Variants in GABRB1 observed in about 807,000 individuals in gnomAD.
GABRB1 encodes the protein gamma-aminobutyric acid type A receptor subunit beta1.
GABRB1 carries 17 observed loss-of-function variants against 51.6 expected under a neutral mutation model. The observed-to-expected ratio is 0.33, with a 90% CI of 0.23 to 0.49. The LOEUF (loss-of-function observed/expected upper bound fraction) is 0.49, where lower values mean the gene tolerates loss of function less well. Among genes scored for constraint, GABRB1 ranks in the 20% least tolerant of loss-of-function variants. The pLI is 0.99. For missense variants in GABRB1, 410 were observed against 600.6 expected, an observed-to-expected ratio of 0.68 and a Z score of 3.32; for synonymous variants, 247 against 218.9, an observed-to-expected ratio of 1.13 and a Z score of -1.14.
intron 5 of GABRB1, among the ~76,000 whole-genome samples, chr4:47,382,417 C>T (rs1039384272): frequency 3.9e-5 from 6 of 152,164 alleles, no homozygotes; most frequent in African/African-American, 1.2e-4. Context: ...CCCACCCTGA[C>T]ACAACATGTG....
At chr4:47,257,011 C>G in intron 4 of GABRB1, among the ~76,000 whole-genome samples, 1 of 152,136 alleles carries the variant, frequency 6.6e-6, no homozygotes, top group South Asian at 2.1e-4. Context: ...CACTTCATAT[C>G]CACTCTCCAT....
At chr4:47,301,633 C>CAA (rs11435118) in intron 4 of GABRB1, among the ~76,000 whole-genome samples, 69,237 of 144,482 alleles carry the variant, frequency 0.48, 17,133 homozygotes, top group East Asian at 0.85. Flanking sequence ...GACTCTGTCT[C>CAA]AAAAAAAAAA....
At chr4:47,201,546 G>T (rs1439834465) in intron 4 of GABRB1, among the ~76,000 whole-genome samples, 2 of 152,118 alleles carry the variant, frequency 1.3e-5, no homozygotes, top group East Asian at 3.9e-4. Context: ...CATGCTTGTG[G>T]TTACCTTTTA....
chr4:47,037,881 G>A (rs1455554246), intron 3 of GABRB1, among the ~76,000 whole-genome samples: 1 of 152,156 alleles, frequency 6.6e-6, no homozygotes, highest in East Asian at 1.9e-4. Flanking sequence ...AAGTTACACA[G>A]CTAGTGAATG....
At chr4:47,280,841 A>G (rs1362958371) in intron 4 of GABRB1, among the ~76,000 whole-genome samples, 1 of 141,030 alleles carries the variant, frequency 7.1e-6, no homozygotes, top group Non-Finnish European at 1.5e-5. Context: ...TTTTTTTTAG[A>G]AATGAGTCTT....
chr4:47,001,779 G>A (rs937737583), intron 1 of GABRB1, among the ~76,000 whole-genome samples: 2 of 152,144 alleles, frequency 1.3e-5, no homozygotes, highest in Non-Finnish European at 2.9e-5. Context: ...AATTTCTCTA[G>A]AAAATCCTAA....
At chr4:47,141,772 G>C (rs1716948625) in intron 3 of GABRB1, among the ~76,000 whole-genome samples, 1 of 151,860 alleles carries the variant, frequency 6.6e-6, no homozygotes, top group African/African-American at 2.4e-5. Flanking sequence ...TAACTTAAAG[G>C]TAAATCCAAG....
At chr4:47,222,058 C>A (rs1194582447) in intron 4 of GABRB1, among the ~76,000 whole-genome samples, 1 of 152,030 alleles carries the variant, frequency 6.6e-6, no homozygotes, top group African/African-American at 2.4e-5. Context: ...ATGTGAAAAA[C>A]ATAGCACTAA....
intron 4 of GABRB1, among the ~76,000 whole-genome samples, chr4:47,230,448 T>A (rs1161923179): frequency 1.3e-5 from 2 of 152,056 alleles, no homozygotes; most frequent in Non-Finnish European, 2.9e-5. Context: ...AGAGAGAGAT[T>A]TGGGGAGCTA....
intron 4 of GABRB1, among the ~76,000 whole-genome samples, chr4:47,180,257 G>A (rs1311381238): frequency 6.6e-6 from 1 of 151,876 alleles, no homozygotes. Flanking sequence ...CTATTCCAAA[G>A]TAAATTTCTA....
At chr4:47,264,370 T>C (rs1318235849) in intron 4 of GABRB1, among the ~76,000 whole-genome samples, 3 of 152,206 alleles carry the variant, frequency 2.0e-5, no homozygotes, top group Non-Finnish European at 4.4e-5. Context: ...CCCTATGTTA[T>C]GGGGCAATGG....
chr4:47,271,640 G>A (rs1048888020), intron 4 of GABRB1, among the ~76,000 whole-genome samples: 18 of 152,116 alleles, frequency 1.2e-4, no homozygotes, highest in Non-Finnish European at 2.1e-4. Context: ...AGCTTCAGAG[G>A]CTCCTTTCCA....
chr4:47,258,288 G>T (rs1179416977), intron 4 of GABRB1, among the ~76,000 whole-genome samples: 1 of 152,048 alleles, frequency 6.6e-6, no homozygotes, highest in Non-Finnish European at 1.5e-5. Flanking sequence ...TCAGAAAAGG[G>T]TACTATCATA....
chr4:47,352,534 C>G (rs541616260), intron 5 of GABRB1, among the ~76,000 whole-genome samples: 13 of 152,080 alleles, frequency 8.5e-5, no homozygotes, highest in African/African-American at 2.9e-4. Context: ...ACTGGCAAAC[C>G]GAATCCAGCA....
At chr4:47,245,865 T>C (rs560074376) in intron 4 of GABRB1, among the ~76,000 whole-genome samples, 38 of 151,358 alleles carry the variant, frequency 2.5e-4, no homozygotes, top group African/African-American at 8.2e-4. Context: ...CATAGAAACA[T>C]TGTAGAGGTC....
intron 4 of GABRB1, among the ~76,000 whole-genome samples, chr4:47,295,852 C>T (rs1410323997): frequency 6.6e-6 from 1 of 152,070 alleles, no homozygotes; most frequent in African/African-American, 2.4e-5. Context: ...TAAGGGTAGC[C>T]AGAGAGAAAG....
intron 5 of GABRB1, among the ~76,000 whole-genome samples, chr4:47,365,630 C>T (rs1726955069): frequency 6.6e-6 from 1 of 152,104 alleles, no homozygotes; most frequent in East Asian, 1.9e-4. Context: ...GGCTTGTTTA[C>T]TCCGTGTCTT....
intron 3 of GABRB1, among the ~76,000 whole-genome samples, chr4:47,113,834 CGCAGTTCTGTTTTCAATTTATTCTCCCT>C (rs1715347041): frequency 6.6e-6 from 1 of 152,206 alleles, no homozygotes; most frequent in Admixed American, 6.5e-5. Context: ...TATTCAGCCC[CGCAGTTCTGTTTTCAATTTATTCTCCCT>C]GCAGTTCTGT....
intron 5 of GABRB1, among the ~76,000 whole-genome samples, chr4:47,378,365 C>T (rs1234226685): frequency 6.6e-6 from 1 of 152,200 alleles, no homozygotes; most frequent in African/African-American, 2.4e-5. Context: ...GCTTGCCAAG[C>T]CCACACCCAC....
Sources: gnomAD v4.1 joint callset for allele counts (sites outside exome capture counted in the v4.1 genomes callset) on GRCh38, gnomAD v4.1.1 for gene constraint, MANE v1.5 for transcripts, NCBI Gene and HGNC (gene_info 2026-07-23, HGNC 2026-07-21) for gene names.